The following C2CD3 variants were observed in gnomAD, a reference collection of about 807,000 sequenced individuals.
The protein encoded by C2CD3 is C2 domain-containing protein 3.
A neutral mutation model predicts 234.0 loss-of-function variants in C2CD3; 148 were observed. The ratio of observed to expected loss-of-function variants is 0.63; its 90% CI spans 0.55 to 0.72. The LOEUF is 0.72. C2CD3 is among the 30% of genes least tolerant of loss of function. The probability of loss-of-function intolerance (pLI) is 0.00; values close to 1 mark genes in which losing one functional copy is unlikely to be tolerated. For synonymous variants in C2CD3, 1,000 were observed against 1,035.4 expected, an observed-to-expected ratio of 0.97 and a Z score of 0.66; for missense variants, 2,577 against 2,811.5, an observed-to-expected ratio of 0.92 and a Z score of 1.89.
At chr11:74,100,405 TG>T (rs1280722871) in intron 15 of C2CD3, 119 bp downstream of exon 15, 2 of 903,986 alleles carry the variant, frequency 2.2e-6, no homozygotes, top group Admixed American at 5.0e-5. Context: ...CTGTTGAAAC[TG>T]GAAAAAGTCC....
chr11:74,014,745 G>C (rs915276348), intron 32 of C2CD3, among the ~76,000 whole-genome samples: 1 of 152,218 alleles, frequency 6.6e-6, no homozygotes, highest in Non-Finnish European at 1.5e-5. Flanking sequence ...ATGAGATAAG[G>C]GGAGTGGAGT....
In C2CD3 at chr11:74,132,915, A is replaced by C; in HGVS notation, c.1146T>G (p.Pro382=). The change falls in exon 7 of 33, where the codon CCT becomes CCG. Residue 382 remains proline (P), a synonymous_variant. Transcript: ENST00000334126. ...FKDHIEDHLL[P]STENTFWRHD... is the part of the protein sequence containing the mutation. ...GTCTCCAAAATGTATTCTCAGTTGA[A>C]GGGAGGAGGTGATCTTCAATGTGGT... The C allele has an allele frequency of 6.2e-7, 1 of 1,613,656 alleles. No homozygotes were observed. Among genetic ancestry groups the C allele is most frequent in the Non-Finnish European group, 8.5e-7 (1 of 1,179,580 alleles).
At chr11:74,043,191 C>T (rs1034634496) in intron 28 of C2CD3, among the ~76,000 whole-genome samples, 1 of 152,184 alleles carries the variant, frequency 6.6e-6, no homozygotes, top group Non-Finnish European at 1.5e-5. Flanking sequence ...TATTTTCTGC[C>T]TCAATAGGTT....
chr11:74,031,790 T>C (rs1358671699), intron 31 of C2CD3, among the ~76,000 whole-genome samples: 1 of 152,230 alleles, frequency 6.6e-6, no homozygotes, highest in East Asian at 1.9e-4. Context: ...CCATCGGCCA[T>C]ATTCTGAGCA....
intron 3 of C2CD3, among the ~76,000 whole-genome samples, chr11:74,141,966 T>G (rs1958062946): frequency 2.6e-5 from 4 of 151,986 alleles, no homozygotes. Context: ...TGTGCCACTG[T>G]ACTACAGCCT....
rs542890372 is a variant in C2CD3, at chr11:74,013,235, C to T, written c.*150G>A. ...GGGCACTCCTCCAGTCTGGGCTGAC[C>T]GGGTCTCTTGAGGCATCCGTGGCCT... is the stretch of plus-strand genomic sequence containing the variant. On this transcript the variant is annotated 3_prime_UTR_variant, in exon 33 of 33. Transcript: ENST00000334126. The T allele has an allele frequency of 2.5e-5, 10 of 402,058 alleles. No homozygotes were observed. The South Asian group carries it at 2.7e-4, about 11-fold the overall frequency. The allele number at this position is 402,058 out of a possible 1,614,324, so 24.9% of individuals were successfully genotyped here. A position where few individuals can be genotyped will look rare whatever the true frequency, so the allele number is the denominator to read the frequency against.
rs202040002 is a variant in C2CD3 at position 74,156,265 on chromosome 11, TC to T, written c.483+5133del. 5.0e-3 allele frequency among the ~76,000 whole-genome samples: 758 copies of T among 151,270 alleles called. 3 individuals carry two copies. Among genetic ancestry groups the T allele is most frequent in the Admixed American group, 9.8e-3 (149 of 15,174 alleles). On this transcript the variant is annotated intron_variant, in intron 3 of 32. Transcript: ENST00000334126. The stretch of plus-strand genomic sequence containing the variant: ...CTCCAGCCTGGTGACCGAGCAAGAC[TC>T]CGTCTCAAAAAACAAACAAATTAAC...
chr11:74,052,293 G>A (rs1391261010), intron 26 of C2CD3, among the ~76,000 whole-genome samples: 1 of 152,164 alleles, frequency 6.6e-6, no homozygotes, highest in African/African-American at 2.4e-5. Flanking sequence ...AATAAAAATA[G>A]CTCCATTTAT....
intron 24 of C2CD3, among the ~76,000 whole-genome samples, chr11:74,061,333 C>T (rs908623527): frequency 6.6e-6 from 1 of 152,130 alleles, no homozygotes; most frequent in African/African-American, 2.4e-5. Flanking sequence ...GTCAGATTCA[C>T]CAAAGTTGAA....
At chr11:74,017,783 C>T (rs1951932355) in intron 32 of C2CD3, among the ~76,000 whole-genome samples, 1 of 151,870 alleles carries the variant, frequency 6.6e-6, no homozygotes, top group Non-Finnish European at 1.5e-5. Context: ...GCAGACTCTT[C>T]TCCAAAAGCT....
At chr11:74,036,356 T>C in intron 30 of C2CD3, 1 of 442,798 alleles carries the variant, frequency 2.3e-6, no homozygotes, top group South Asian at 1.6e-5. Flanking sequence ...TGTATCTTCC[T>C]GGGACAAATA....
At chr11:74,092,278 C>T in intron 19 of C2CD3, 138 bp downstream of exon 19, 1 of 664,396 alleles carries the variant, frequency 1.5e-6, no homozygotes, top group Non-Finnish European at 2.6e-6. Context: ...TGGTCTCGAA[C>T]TCCTGACCTC....
intron 20 of C2CD3, among the ~76,000 whole-genome samples, chr11:74,087,194 A>T (rs1196744829): frequency 6.6e-6 from 1 of 152,242 alleles, no homozygotes; most frequent in African/African-American, 2.4e-5. Context: ...GCATCCATAC[A>T]ATAGTATACC....
chr11:74,058,404 C>T (rs1954056769), intron 24 of C2CD3, among the ~76,000 whole-genome samples: 1 of 152,102 alleles, frequency 6.6e-6, no homozygotes, highest in Non-Finnish European at 1.5e-5. Context: ...TATAAGATAG[C>T]TATTTCTATC....
At chr11:74,049,825 G>A (rs1360033881) in intron 26 of C2CD3, among the ~76,000 whole-genome samples, 1 of 152,114 alleles carries the variant, frequency 6.6e-6, no homozygotes, top group African/African-American at 2.4e-5. Context: ...CTGATGTCTA[G>A]GTTGCAGTGC....
At chr11:74,064,765 C>T (rs1456661596) in intron 24 of C2CD3, among the ~76,000 whole-genome samples, 4 of 152,088 alleles carry the variant, frequency 2.6e-5, no homozygotes, top group Non-Finnish European at 4.4e-5. Flanking sequence ...GGAAATAATA[C>T]CACACATCTA....
At chr11:74,071,163 T>C (rs985951441) in intron 24 of C2CD3, among the ~76,000 whole-genome samples, 7 of 152,260 alleles carry the variant, frequency 4.6e-5, no homozygotes, top group Non-Finnish European at 4.4e-5. Flanking sequence ...GTGATCTTCA[T>C]GATGCAGCAA....
chr11:74,046,489 A>G (rs868409654), intron 28 of C2CD3, among the ~76,000 whole-genome samples: 4 of 152,102 alleles, frequency 2.6e-5, no homozygotes, highest in African/African-American at 7.2e-5. Context: ...GACTACAGGC[A>G]GGCAAATTTT....
intron 2 of C2CD3, among the ~76,000 whole-genome samples, chr11:74,161,971 A>G (rs12222213): frequency 0.28 from 42,787 of 151,590 alleles, 6,983 homozygotes; most frequent in African/African-American, 0.46. Flanking sequence ...ACACGCCACC[A>G]CACTGGGGTA....
Sources: gnomAD v4.1 joint callset for allele counts (sites outside exome capture counted in the v4.1 genomes callset) on GRCh38, gnomAD v4.1.1 for gene constraint, MANE v1.5 for transcripts, NCBI Gene and HGNC (gene_info 2026-07-23, HGNC 2026-07-21) for gene names.